The following PTPN14 variants were observed in gnomAD, a reference collection of about 807,000 sequenced individuals.
The protein encoded by PTPN14 is protein tyrosine phosphatase non-receptor type 14, also known as tyrosine-protein phosphatase non-receptor type 14.
A neutral mutation model predicts 126.8 loss-of-function variants in PTPN14; 53 were observed. That is an observed-to-expected ratio of 0.42 (90% CI 0.34 to 0.53). The LOEUF (loss-of-function observed/expected upper bound fraction) is 0.53. Among genes scored for constraint, PTPN14 ranks in the 20% least tolerant of loss-of-function variants. The pLI, the probability that PTPN14 is intolerant of heterozygous loss-of-function variation, is 0.08. For missense variants in PTPN14, 1,257 were observed against 1,552.9 expected, an observed-to-expected ratio of 0.81 and a Z score of 3.20; for synonymous variants, 630 against 599.3, an observed-to-expected ratio of 1.05 and a Z score of -0.75.
intron 2 of PTPN14, among the ~76,000 whole-genome samples, chr1:214,455,989 T>C (rs1308012451): frequency 6.6e-6 from 1 of 152,128 alleles, no homozygotes; most frequent in Admixed American, 6.6e-5. Flanking sequence ...TATTAAAAAG[T>C]AGTTTGGGGT....
chr1:214,465,684 T>A (rs1220034641), intron 1 of PTPN14, among the ~76,000 whole-genome samples: 1 of 152,052 alleles, frequency 6.6e-6, no homozygotes, highest in Non-Finnish European at 1.5e-5. Context: ...TGGTGTTTTG[T>A]TTTTTAAATT....
At chr1:214,522,278 T>C (rs988377334) in intron 1 of PTPN14, among the ~76,000 whole-genome samples, 4 of 152,164 alleles carry the variant, frequency 2.6e-5, no homozygotes, top group African/African-American at 9.7e-5. Flanking sequence ...ATGAGAGATT[T>C]CATACCAGTC....
chr1:214,364,682 G>C lies in PTPN14; in HGVS notation c.3272-7C>G, dbSNP rs1156366605. 1 of 1,607,788 alleles carries C rather than the reference G, an allele frequency of 6.2e-7. No individual in the cohort carries two copies. Among genetic ancestry groups the C allele is most frequent in the African/African-American group, 1.3e-5 (1 of 74,538 alleles). ...TGGATCTCCTCCAAGTAGGCTGCAG[G>C]ACAAAATGCAAATTCTGTCACCAAA... On this transcript the variant is annotated splice_polypyrimidine_tract_variant and splice_region_variant and intron_variant, in intron 17 of 18. Transcript: ENST00000366956. This position sits in a 1 kb window ranked among gnomAD's most constrained non-coding sequence, Gnocchi z 4.1.
In PTPN14 at chr1:214,364,091, T is replaced by C. The variant is rs1658015962; in HGVS notation, c.3435+421A>G. 6.6e-6 allele frequency among the ~76,000 whole-genome samples: 1 copy of C among 152,152 alleles called. No homozygotes were observed. Among genetic ancestry groups the C allele is most frequent in the Admixed American group, 6.5e-5 (1 of 15,274 alleles). On this transcript the variant is annotated intron_variant, in intron 18 of 18. Coordinates refer to ENST00000366956, the MANE Select transcript of PTPN14 (RefSeq NM_005401.5). This position sits in a 1 kb window ranked among gnomAD's most constrained non-coding sequence, Gnocchi z 4.1. ...TGAAGAATGAAAAACATTTTCCAAG[T>C]AGACACATTTTCACCTAGCATTTAG... is the stretch of plus-strand genomic sequence containing the variant.
Position 214,395,006 on chromosome 1 carries a change from C to A in PTPN14, c.759-20G>T, listed in dbSNP as rs1558083862. On this transcript the variant is annotated intron_variant, in intron 8 of 18. Coordinates refer to ENST00000366956, the MANE Select transcript of PTPN14 (RefSeq NM_005401.5). ...TTCCACCTGGTTAGAAGAAATGTCACTGTGTTTACTCAACAATGTTCCAGG... is the reference window on the plus strand; with the variant it reads ...TTCCACCTGGTTAGAAGAAATGTCAATGTGTTTACTCAACAATGTTCCAGG... 6.3e-7 allele frequency: 1 copy of A among 1,582,792 alleles called. No individual in the cohort carries two copies. The highest frequency in any genetic ancestry group is 1.1e-5 in the South Asian group (1 of 90,412).
At position 214,376,530 on chromosome 1, in the gene PTPN14, T is replaced by TA. The variant is rs571829651; in HGVS notation, c.2689-94dup. The TA allele has an allele frequency of 9.3e-6, 10 of 1,074,886 alleles. No homozygotes were observed. The South Asian group carries it at 1.3e-4, about 14-fold the overall frequency. The allele number at this position is 1,074,886 out of a possible 1,614,324, so 66.6% of individuals were successfully genotyped here. A position where few individuals can be genotyped will look rare whatever the true frequency, so the allele number is the denominator to read the frequency against. ...TTCTTTAAATATTTAGCGATTGTGTTAAAAGAGATTTCAAGTTCTACAATC... is the reference window on the plus strand; with the variant it reads ...TTCTTTAAATATTTAGCGATTGTGTTAAAAAGAGATTTCAAGTTCTACAATC... On this transcript the variant is annotated intron_variant, in intron 14 of 18. Transcript: ENST00000366956.
chr1:214,427,729 G>T (rs1291382902), intron 3 of PTPN14, among the ~76,000 whole-genome samples: 1 of 152,090 alleles, frequency 6.6e-6, no homozygotes, highest in Non-Finnish European at 1.5e-5. Context: ...AGAGTAGCAA[G>T]GTAGGAGGTG....
intron 8 of PTPN14, among the ~76,000 whole-genome samples, chr1:214,395,841 A>G (rs1042031562): frequency 6.6e-6 from 1 of 151,794 alleles, no homozygotes; most frequent in African/African-American, 2.4e-5. Flanking sequence ...TAATACTTCT[A>G]CCATCCTCTG....
At chr1:214,505,232 AC>A (rs1181100627) in intron 1 of PTPN14, among the ~76,000 whole-genome samples, 1 of 151,978 alleles carries the variant, frequency 6.6e-6, no homozygotes, top group Non-Finnish European at 1.5e-5. Context: ...GCTAGATGAC[AC>A]CTGACACCTA....
intron 8 of PTPN14, 126 bp from the exon 9 acceptor site, chr1:214,395,112 G>A: frequency 2.4e-6 from 2 of 846,372 alleles, no homozygotes; most frequent in Non-Finnish European, 3.9e-6. Flanking sequence ...TTTTTTAAGT[G>A]AAATGTTCTT....
At chr1:214,491,079 A>C (rs920000122) in intron 1 of PTPN14, among the ~76,000 whole-genome samples, 3 of 141,226 alleles carry the variant, frequency 2.1e-5, no homozygotes, top group South Asian at 2.1e-4. Context: ...AAGAAAGAGA[A>C]AGAAAGAAAG....
At chr1:214,513,458 T>C (rs77602792) in intron 1 of PTPN14, among the ~76,000 whole-genome samples, 2 of 145,076 alleles carry the variant, frequency 1.4e-5, no homozygotes, top group Non-Finnish European at 3.0e-5. Context: ...AAAAAAAAAA[T>C]CTGATAGCAC....
chr1:214,470,467 T>C (rs1660728808), intron 1 of PTPN14, among the ~76,000 whole-genome samples: 2 of 152,094 alleles, frequency 1.3e-5, no homozygotes, highest in Admixed American at 1.3e-4. Context: ...GACTTCACCA[T>C]TATGCAATAT....
chr1:214,448,397 A>ATT (rs34637675), intron 3 of PTPN14, among the ~76,000 whole-genome samples: 5,075 of 133,456 alleles, frequency 0.038, 151 homozygotes, highest in South Asian at 0.14. Context: ...AGCCGGGCTA[A>ATT]TTTTTTTTTT....
chr1:214,549,673 C>T (rs1656056365), intron 1 of PTPN14, among the ~76,000 whole-genome samples: 2 of 152,142 alleles, frequency 1.3e-5, no homozygotes, highest in Admixed American at 1.3e-4. Context: ...GGAATCATTG[C>T]TTGAATGTGG....
intron 8 of PTPN14, among the ~76,000 whole-genome samples, chr1:214,395,213 T>C (rs1658850297): frequency 6.6e-6 from 1 of 152,238 alleles, no homozygotes; most frequent in Non-Finnish European, 1.5e-5. Context: ...TTATAAACTA[T>C]AGTTTTCTTT....
intron 1 of PTPN14, among the ~76,000 whole-genome samples, chr1:214,503,791 T>C (rs1654765109): frequency 6.6e-6 from 1 of 152,250 alleles, no homozygotes; most frequent in South Asian, 2.1e-4. Flanking sequence ...AGTGTTTGTA[T>C]GCGTTCAGCA....
At chr1:214,430,383 A>C (rs1659772526) in intron 3 of PTPN14, among the ~76,000 whole-genome samples, 1 of 152,192 alleles carries the variant, frequency 6.6e-6, no homozygotes, top group African/African-American at 2.4e-5. Flanking sequence ...GTCATGGTTA[A>C]TTTTATGTGT....
intron 13 of PTPN14, among the ~76,000 whole-genome samples, chr1:214,382,894 T>C (rs897874704): frequency 6.6e-6 from 1 of 152,256 alleles, no homozygotes; most frequent in African/African-American, 2.4e-5. Context: ...CTGGTGAGTC[T>C]TGACTTACGG....
Sources: allele counts gnomAD v4.1 joint callset (sites outside exome capture counted in the v4.1 genomes callset), GRCh38; gene constraint gnomAD v4.1.1; non-coding constraint Gnocchi (gnomAD v3.1); transcripts MANE v1.5; gene names NCBI Gene and HGNC (gene_info 2026-07-23, HGNC 2026-07-21).